MBD5: variants seen among roughly 807,000 people sequenced by gnomAD.
The protein encoded by MBD5 is methyl-CpG-binding domain protein 5.
Under a neutral mutation model 117.3 loss-of-function variants are expected in MBD5, and 13 were observed. That is an observed-to-expected ratio of 0.11 (90% confidence interval 0.07 to 0.18). The LOEUF is 0.18. MBD5 is among the 10% of genes least tolerant of loss of function. MBD5 has a pLI of 1.00. For missense variants in MBD5, 1,879 were observed against 2,093.8 expected (o/e 0.90, Z 2.00); for synonymous variants, 727 against 766.4 (o/e 0.95, Z 0.85).
chr2:148,469,938 A>G lies in MBD5; in HGVS notation c.1995A>G (p.Thr665=). The change falls in exon 8 of 14, where the codon ACA becomes ACG. Residue 665 remains threonine (T), a synonymous_variant. Coordinates refer to ENST00000642680, the MANE Select transcript of MBD5 (RefSeq NM_001378120.1). ...GGAAAAGAAAACAACCACCTACGAC[A>G]GTGTTGAGTTTGCTCAGACAGTCTC... ...ALRKRKQPPT[T]VLSLLRQSQM... 1 of 1,614,008 alleles carries G rather than the reference A, an allele frequency of 6.2e-7. No individual in the cohort carries two copies. The highest frequency in any genetic ancestry group is 1.3e-5 in the African/African-American group (1 of 75,038).
At chr2:148,481,906 A>T (rs1672260489) in intron 8 of MBD5, 1 of 152,198 alleles carries the variant, frequency 6.6e-6, no homozygotes, top group Admixed American at 6.5e-5. Context: ...TCAGATATTA[A>T]ATTCCCAGAA....
chr2:148,472,624 G>A (rs951994395), intron 8 of MBD5, among the ~76,000 whole-genome samples: 1 of 151,968 alleles, frequency 6.6e-6, no homozygotes, highest in Non-Finnish European at 1.5e-5. Context: ...CTAAATATCT[G>A]TTTACACTGA....
chr2:148,176,171 G>C (rs1385464668), intron 1 of MBD5, among the ~76,000 whole-genome samples: 1 of 152,036 alleles, frequency 6.6e-6, no homozygotes, highest in Non-Finnish European at 1.5e-5. Context: ...ACTTTATTAA[G>C]AGTACTTCAA....
rs141460260 is a variant in MBD5 at position 148,420,880 on chromosome 2, C to T, written c.-556-37323C>T. On this transcript the variant is annotated intron_variant, in intron 4 of 13. Transcript: ENST00000642680. ...TAGCTGTGACCACAGGCACACACCA[C>T]CACACCCAGCTAACGTTTTTGTATT... Among the ~76,000 whole-genome samples the T allele has an allele frequency of 2.8e-3, 431 of 152,236 alleles. 2 individuals carry two copies. Among genetic ancestry groups the T allele is most frequent in the Middle Eastern group, 6.8e-3 (2 of 294 alleles).
intron 3 of MBD5, among the ~76,000 whole-genome samples, chr2:148,299,502 C>T (rs1030590668): frequency 2.0e-5 from 3 of 152,202 alleles, no homozygotes; most frequent in African/African-American, 7.2e-5. Flanking sequence ...CTGCAACCCT[C>T]TATTCTCTCC....
chr2:148,196,952 T>C (rs1699004176), intron 2 of MBD5, among the ~76,000 whole-genome samples: 1 of 152,074 alleles, frequency 6.6e-6, no homozygotes, highest in Non-Finnish European at 1.5e-5. Context: ...AATTAATATA[T>C]CTCACTTGAA....
chr2:148,465,534 TG>T (rs1466719806), intron 7 of MBD5, among the ~76,000 whole-genome samples: 1 of 152,148 alleles, frequency 6.6e-6, no homozygotes, highest in Non-Finnish European at 1.5e-5. Context: ...TGAGTATACC[TG>T]TAGTGATCAG....
intron 1 of MBD5, chr2:148,026,534 C>G (rs956422859): frequency 1.3e-5 from 2 of 152,150 alleles, no homozygotes; most frequent in African/African-American, 2.4e-5. Context: ...TACTCGGAGG[C>G]TGAGGCGGGA....
Position 148,338,345 on chromosome 2 carries a change from TA to T in MBD5, c.-679-3858del, listed in dbSNP as rs1011266857. 2.5e-3 allele frequency among the ~76,000 whole-genome samples: 376 copies of T among 147,670 alleles called. 2 individuals carry two copies. Among genetic ancestry groups the T allele is most frequent in the African/African-American group, 8.2e-3 (331 of 40,550 alleles). On this transcript the variant is annotated intron_variant, in intron 3 of 13. Transcript: ENST00000642680. The stretch of plus-strand genomic sequence containing the variant: ...TATATTTGCTTAATCTCCTTTAATC[TA>T]AAAAAAAAAATTCCCAGCCTTATGT...
At chr2:148,413,716 A>T (rs1487013827) in intron 4 of MBD5, among the ~76,000 whole-genome samples, 2 of 151,858 alleles carry the variant, frequency 1.3e-5, no homozygotes, top group African/African-American at 4.8e-5. Flanking sequence ...CTTTGTTTCA[A>T]GAAATTTATC....
At chr2:148,308,501 T>C (rs77334797) in intron 3 of MBD5, among the ~76,000 whole-genome samples, 8 of 136,960 alleles carry the variant, frequency 5.8e-5, no homozygotes, top group Admixed American at 3.6e-4. Flanking sequence ...CTTTTTTTTT[T>C]TTTTTTTTTT....
chr2:148,103,526 G>A (rs1293126306), intron 1 of MBD5, among the ~76,000 whole-genome samples: 1 of 152,088 alleles, frequency 6.6e-6, no homozygotes, highest in Non-Finnish European at 1.5e-5. Context: ...GCAACCTGTT[G>A]ATGTTGCGAT....
chr2:148,464,039 T>G (rs1286996226), intron 7 of MBD5, 120 bp downstream of exon 7: 1 of 992,086 alleles, frequency 1.0e-6, no homozygotes, highest in East Asian at 2.6e-5. Flanking sequence ...CTTTTAAAAT[T>G]CTGTATGTCC....
Position 148,513,916 on chromosome 2 carries a change from C to T in MBD5, c.*975C>T, listed in dbSNP as rs184253715. ...CTGACAAGGTAAAACTTTCTATTTC[C>T]GTACATGGAGGCAAAAACCCCACTT... On this transcript the variant is annotated 3_prime_UTR_variant, in exon 14 of 14. Coordinates refer to ENST00000642680, the MANE Select transcript of MBD5 (RefSeq NM_001378120.1). 4.6e-5 allele frequency: 7 copies of T among 152,138 alleles called. No homozygotes were observed. In the East Asian group the frequency reaches 7.7e-4, roughly 17 times the overall value. 9.4% of individuals were successfully genotyped at this position (152,138 alleles called of 1,614,324 possible).
At chr2:148,434,637 G>C (rs1706098952) in intron 4 of MBD5, among the ~76,000 whole-genome samples, 1 of 151,956 alleles carries the variant, frequency 6.6e-6, no homozygotes, top group Non-Finnish European at 1.5e-5. Flanking sequence ...GGTTGATTTT[G>C]GTTCTTTGCA....
intron 2 of MBD5, among the ~76,000 whole-genome samples, chr2:148,202,042 G>A (rs923275723): frequency 2.6e-4 from 40 of 152,272 alleles, no homozygotes; most frequent in African/African-American, 8.7e-4. Context: ...TTGGCTTGAA[G>A]GTTGGGTTTC....
intron 3 of MBD5, among the ~76,000 whole-genome samples, chr2:148,294,502 T>TTTTTTTTTTTTTTTGTTTTG (rs1701593351): frequency 7.4e-5 from 1 of 13,544 alleles, no homozygotes; most frequent in African/African-American, 2.0e-4. Context: ...GGGATTACAG[T>TTTTTTTTTTTTTTTGTTTTG]TTTTTTTTTT....
intron 2 of MBD5, among the ~76,000 whole-genome samples, chr2:148,217,843 C>A (rs1699593165): frequency 6.6e-6 from 1 of 152,056 alleles, no homozygotes; most frequent in Admixed American, 6.6e-5. Context: ...GACATATAAT[C>A]TCCACCCTCA....
intron 1 of MBD5, among the ~76,000 whole-genome samples, chr2:148,074,350 C>T (rs934677813): frequency 6.6e-5 from 10 of 152,018 alleles, no homozygotes; most frequent in African/African-American, 2.4e-4. Flanking sequence ...CATTGGACTT[C>T]CAATAAATAT....
Sources: gnomAD v4.1 joint callset for allele counts (sites outside exome capture counted in the v4.1 genomes callset) on GRCh38, gnomAD v4.1.1 for gene constraint, MANE v1.5 for transcripts, NCBI Gene and HGNC (gene_info 2026-07-23, HGNC 2026-07-21) for gene names.